Variants in BRINP3 observed in about 807,000 individuals in gnomAD.
BRINP3 encodes the protein BMP/retinoic acid inducible neural specific 3, also known as BMP/retinoic acid-inducible neural-specific protein 3.
A neutral mutation model predicts 71.0 loss-of-function variants in BRINP3; 19 were observed. That is an observed-to-expected ratio of 0.27 (90% CI 0.19 to 0.39). The LOEUF (loss-of-function observed/expected upper bound fraction) is 0.39. Among genes scored for constraint, BRINP3 ranks in the 10% least tolerant of loss-of-function variants. The probability of loss-of-function intolerance (pLI) is 1.00; values close to 1 mark genes in which losing one functional copy is unlikely to be tolerated. For synonymous variants in BRINP3, 380 were observed against 337.7 expected (o/e 1.13, Z -1.37); for missense variants, 959 against 940.8 (o/e 1.02, Z -0.25).
chr1:190,150,329 C>T (rs569015776), intron 7 of BRINP3, among the ~76,000 whole-genome samples: 1 of 151,760 alleles, frequency 6.6e-6, no homozygotes, highest in African/African-American at 2.4e-5. Flanking sequence ...AATAATGATG[C>T]TAAAAGGCGG....
intron 7 of BRINP3, among the ~76,000 whole-genome samples, chr1:190,110,261 A>G (rs1652550183): frequency 1.3e-5 from 2 of 152,350 alleles, no homozygotes; most frequent in Admixed American, 6.5e-5. Context: ...AAAATGAGGT[A>G]GAACTCATGC....
chr1:190,237,146 T>C (rs1658602684), intron 4 of BRINP3, among the ~76,000 whole-genome samples: 1 of 151,920 alleles, frequency 6.6e-6, no homozygotes. Flanking sequence ...ATTGCTTTAC[T>C]TTCTCATCAT....
chr1:190,368,717 C>T (rs963166109), intron 2 of BRINP3, among the ~76,000 whole-genome samples: 2 of 152,066 alleles, frequency 1.3e-5, no homozygotes, highest in Non-Finnish European at 2.9e-5. Flanking sequence ...CACCCCAGCA[C>T]GTGGACCCAT....
In BRINP3 at chr1:190,319,573, C is replaced by T. The variant is rs138633351; in HGVS notation, c.237-37823G>A. Among the ~76,000 whole-genome samples, 239 of 152,126 alleles carry T rather than the reference C, an allele frequency of 1.6e-3. 1 individual carries two copies. The highest frequency in any genetic ancestry group is 5.5e-3 in the African/African-American group (228 of 41,522). ...ATGATGGCTTCTGCTTCTTGGGAGGCATCAAAAAGCTTCAAATCATGGTGG... is the reference window on the plus strand; with the variant it reads ...ATGATGGCTTCTGCTTCTTGGGAGGTATCAAAAAGCTTCAAATCATGGTGG... On this transcript the variant is annotated intron_variant, in intron 2 of 7. Coordinates refer to ENST00000367462, the MANE Select transcript of BRINP3 (RefSeq NM_199051.3).
intron 1 of BRINP3, among the ~76,000 whole-genome samples, chr1:190,457,706 C>T (rs183708635): frequency 6.6e-6 from 1 of 152,154 alleles, no homozygotes; most frequent in East Asian, 1.9e-4. Flanking sequence ...CCATTATACA[C>T]CTTAAAATTA....
intron 6 of BRINP3, among the ~76,000 whole-genome samples, chr1:190,177,667 G>A (rs923604919): frequency 6.6e-6 from 1 of 152,080 alleles, no homozygotes; most frequent in East Asian, 1.9e-4. Context: ...TACCCCATAA[G>A]CTCTAAAAAC....
intron 6 of BRINP3, among the ~76,000 whole-genome samples, chr1:190,202,438 T>C (rs1391587842): frequency 2.0e-5 from 3 of 152,134 alleles, no homozygotes; most frequent in Non-Finnish European, 2.9e-5. Flanking sequence ...TTGTGGACTT[T>C]TGAGTTAATA....
intron 7 of BRINP3, among the ~76,000 whole-genome samples, chr1:190,116,948 C>T (rs1653188993): frequency 6.6e-6 from 1 of 152,018 alleles, no homozygotes; most frequent in African/African-American, 2.4e-5. Context: ...TTATTCTCAA[C>T]TTAAAAAGCT....
intron 6 of BRINP3, among the ~76,000 whole-genome samples, chr1:190,218,029 A>G (rs1426909570): frequency 6.6e-6 from 1 of 152,040 alleles, no homozygotes; most frequent in Non-Finnish European, 1.5e-5. Flanking sequence ...TTTAGTTGCC[A>G]AAGTGCTAAT....
At chr1:190,213,658 A>T (rs936054149) in intron 6 of BRINP3, among the ~76,000 whole-genome samples, 1 of 151,978 alleles carries the variant, frequency 6.6e-6, no homozygotes, top group Non-Finnish European at 1.5e-5. Flanking sequence ...AATTTGTTGG[A>T]CATTAGGGAT....
intron 2 of BRINP3, among the ~76,000 whole-genome samples, chr1:190,449,331 A>G (rs1675446655): frequency 6.6e-6 from 1 of 151,926 alleles, no homozygotes; most frequent in Admixed American, 6.6e-5. Context: ...ATTTCCTACA[A>G]TCTATTGAAG....
chr1:190,182,835 CAT>C (rs1239069625), intron 6 of BRINP3, among the ~76,000 whole-genome samples: 1 of 152,114 alleles, frequency 6.6e-6, no homozygotes, highest in East Asian at 1.9e-4. Context: ...TAAGATCAAT[CAT>C]ATGGACAGTA....
At chr1:190,423,478 C>T (rs781537155) in intron 2 of BRINP3, among the ~76,000 whole-genome samples, 38 of 151,650 alleles carry the variant, frequency 2.5e-4, no homozygotes, top group Admixed American at 1.7e-3. Context: ...CACAGGATAG[C>T]GTAGAATTTT....
intron 6 of BRINP3, among the ~76,000 whole-genome samples, chr1:190,171,271 T>C (rs1651986560): frequency 6.6e-6 from 1 of 152,208 alleles, no homozygotes; most frequent in African/African-American, 2.4e-5. Flanking sequence ...GTTGCTTGTT[T>C]ACTTGTACTA....
chr1:190,251,606 C>T (rs1159181954), intron 4 of BRINP3, among the ~76,000 whole-genome samples: 2 of 151,860 alleles, frequency 1.3e-5, no homozygotes, highest in African/African-American at 4.8e-5. Context: ...GGAGATACTT[C>T]TGTCAAACAC....
intron 4 of BRINP3, among the ~76,000 whole-genome samples, chr1:190,263,587 CTTTTTTT>C (rs34792964): frequency 1.0e-4 from 13 of 129,454 alleles, no homozygotes; most frequent in African/African-American, 3.7e-4. Flanking sequence ...GAAGTAGTAA[CTTTTTTT>C]TTTTTTTTTT....
At chr1:190,334,873 CA>C (rs557834990) in intron 2 of BRINP3, among the ~76,000 whole-genome samples, 49 of 150,734 alleles carry the variant, frequency 3.3e-4, no homozygotes, top group Non-Finnish European at 1.0e-4. Context: ...TAGGAACATG[CA>C]AAAAAAGAAG....
chr1:190,290,224 G>A (rs550101261), intron 2 of BRINP3, among the ~76,000 whole-genome samples: 9 of 152,134 alleles, frequency 5.9e-5, no homozygotes, highest in Admixed American at 4.6e-4. Context: ...CTAACCGTAT[G>A]TAAAAACCTA....
At chr1:190,277,480 T>G (rs1662684390) in intron 3 of BRINP3, among the ~76,000 whole-genome samples, 1 of 151,662 alleles carries the variant, frequency 6.6e-6, no homozygotes, top group Non-Finnish European at 1.5e-5. Context: ...ATAAATATTT[T>G]GTTATAACAT....
Sources: gnomAD v4.1 joint callset for allele counts (sites outside exome capture counted in the v4.1 genomes callset) on GRCh38, gnomAD v4.1.1 for gene constraint, MANE v1.5 for transcripts, NCBI Gene and HGNC (gene_info 2026-07-23, HGNC 2026-07-21) for gene names.